Variants in KIDINS220 observed in about 807,000 individuals in gnomAD.
KIDINS220 encodes the protein kinase D-interacting substrate of 220 kDa.
A neutral mutation model predicts 157.6 loss-of-function variants in KIDINS220; 63 were observed. The ratio of observed to expected loss-of-function variants is 0.40; its 90% CI spans 0.33 to 0.49. The LOEUF (loss-of-function observed/expected upper bound fraction) is 0.49, where lower values mean the gene tolerates loss of function less well. KIDINS220 is among the 20% of genes least tolerant of loss of function. The probability of loss-of-function intolerance (pLI) is 0.66; values close to 1 mark genes in which losing one functional copy is unlikely to be tolerated. For synonymous variants in KIDINS220, 732 were observed against 783.6 expected (o/e 0.93, Z 1.10); for missense variants, 1,772 against 2,171.2 (o/e 0.82, Z 3.65).
chr2:8,790,843 C>A (rs1398706370), intron 13 of KIDINS220, among the ~76,000 whole-genome samples: 1 of 152,122 alleles, frequency 6.6e-6, no homozygotes, highest in Admixed American at 6.6e-5. Flanking sequence ...AAAAAACTTG[C>A]CAGCAAGGGT....
In KIDINS220 at chr2:8,779,136, G is replaced by A. The variant is rs1034611870; in HGVS notation, c.2374C>T (p.Arg792Ter). 2 of 1,612,144 alleles carry A rather than the reference G, an allele frequency of 1.2e-6. No individual in the cohort carries two copies. The highest frequency in any genetic ancestry group is 2.2e-5 in the East Asian group (1 of 44,882). Residue 792 changes from arginine to a stop codon, truncating the protein, a stop_gained, in exon 19 of 30, where the codon CGA becomes TGA. Transcript: ENST00000256707. LOFTEE classifies it high-confidence loss of function. ...DKVLQMLDTV[R>*]VLFSKGPFIA... ...AACGGGCCTTTTGAAAACAGAACTCGGACCTGTGGCAGAAGAAATGTACAG... is the reference window on the plus strand; with the variant it reads ...AACGGGCCTTTTGAAAACAGAACTCAGACCTGTGGCAGAAGAAATGTACAG...
At chr2:8,796,060 G>A (rs1047062414) in intron 11 of KIDINS220, among the ~76,000 whole-genome samples, 4 of 152,016 alleles carry the variant, frequency 2.6e-5, no homozygotes, top group Admixed American at 1.3e-4. Flanking sequence ...ACATTGACTC[G>A]TGACTCCCTG....
Position 8,768,822 on chromosome 2 carries a change from TAATC to T in KIDINS220, c.3011+1844_3011+1847del, listed in dbSNP as rs564556901. On this transcript the variant is annotated intron_variant, in intron 22 of 29. Coordinates refer to ENST00000256707, the MANE Select transcript of KIDINS220 (RefSeq NM_020738.4). The stretch of plus-strand genomic sequence containing the variant: ...TTTAATATCTGGCTTTCCAATATGT[TAATC>T]AAAGTGTCTTCCTATAGTTTTTCAT... 6.2e-3 allele frequency among the ~76,000 whole-genome samples: 940 copies of T among 152,284 alleles called. 15 individuals carry two copies. Among genetic ancestry groups the T allele is most frequent in the African/African-American group, 0.021 (889 of 41,574 alleles).
At chr2:8,742,552 G>GT (rs2148002775) in intron 26 of KIDINS220, among the ~76,000 whole-genome samples, 1 of 152,324 alleles carries the variant, frequency 6.6e-6, no homozygotes, top group South Asian at 2.1e-4. Flanking sequence ...TGCCTTTGCA[G>GT]TTCTGAAATT....
intron 13 of KIDINS220, 61 bp downstream of exon 13, chr2:8,790,999 A>G: frequency 6.7e-7 from 1 of 1,496,048 alleles, no homozygotes; most frequent in Admixed American, 2.1e-5. Context: ...TTTATTTCAG[A>G]AAAATCCCCA....
chr2:8,793,064 G>A (rs1673424043), intron 12 of KIDINS220, among the ~76,000 whole-genome samples: 1 of 152,012 alleles, frequency 6.6e-6, no homozygotes, highest in Non-Finnish European at 1.5e-5. Flanking sequence ...AAAGCCTGGA[G>A]GGTCATTTAA....
chr2:8,779,564 C>A, intron 18 of KIDINS220, 110 bp downstream of exon 18: 2 of 1,121,182 alleles, frequency 1.8e-6, no homozygotes, highest in Non-Finnish European at 2.5e-6. Flanking sequence ...AAAATAGGAA[C>A]TACTCAAACA....
chr2:8,812,122 G>A (rs1558472892), intron 6 of KIDINS220, among the ~76,000 whole-genome samples: 1 of 152,142 alleles, frequency 6.6e-6, no homozygotes, highest in Non-Finnish European at 1.5e-5. Context: ...AGTTACAATA[G>A]AAAACTTCAA....
At position 8,731,012 on chromosome 2, in the gene KIDINS220, T is replaced by C. The variant is rs747952297; in HGVS notation, c.5024A>G (p.Asn1675Ser). ...ENWPACQKAY[N>S]LNRTPSTVTL... is the part of the protein sequence containing the mutation. ...CACGGTGCTGGGAGTTCGGTTCAGG[T>C]TGTAGGCTTTCTGGCATGCAGGCCA... Residue 1675 changes from asparagine to serine, a missense_variant, in exon 30 of 30, where the codon AAC (asparagine) becomes AGC (serine). Transcript: ENST00000256707. The surrounding 1 kb of genome is among the most constrained non-coding windows in gnomAD (Gnocchi z 5.2). The C allele has an allele frequency of 1.9e-6, 3 of 1,614,188 alleles. No homozygotes were observed. Among genetic ancestry groups the C allele is most frequent in the Non-Finnish European group, 2.5e-6 (3 of 1,180,040 alleles).
rs541793342 is a variant in KIDINS220, at chr2:8,741,719, T to C, written c.3586-4720A>G. On this transcript the variant is annotated intron_variant, in intron 26 of 29. Coordinates refer to ENST00000256707, the MANE Select transcript of KIDINS220 (RefSeq NM_020738.4). Reference sequence around the variant, plus strand: ...CTGTAATATTATTTCTGTGAAAATATCCCAATCAATTTAGTTGAAAATTGT... The same window carrying C: ...CTGTAATATTATTTCTGTGAAAATACCCCAATCAATTTAGTTGAAAATTGT... Among the ~76,000 whole-genome samples the C allele has an allele frequency of 2.0e-5, 3 of 152,354 alleles. No individual in the cohort carries two copies. In the South Asian group the frequency reaches 6.2e-4, roughly 32 times the overall value.
At chr2:8,747,388 G>T in intron 25 of KIDINS220, 187 bp from the exon 26 acceptor site, 2 of 571,536 alleles carry the variant, frequency 3.5e-6, no homozygotes, top group Non-Finnish European at 6.2e-6. Flanking sequence ...TTTATCATCA[G>T]GAACCTCTAA....
chr2:8,757,201 T>C (rs1478353199), intron 22 of KIDINS220: 15 of 955,482 alleles, frequency 1.6e-5, no homozygotes, highest in Non-Finnish European at 1.9e-5. Context: ...GGGTTTGTTT[T>C]TTCCCAACAA....
chr2:8,779,304 A>G (rs1244420681), intron 18 of KIDINS220, among the ~76,000 whole-genome samples, 165 bp from the exon 19 acceptor site: 7 of 152,222 alleles, frequency 4.6e-5, no homozygotes, highest in Admixed American at 4.6e-4. Flanking sequence ...TGACAGCTCA[A>G]TCTAGGTTTG....
rs1477146681 is a variant in KIDINS220, at chr2:8,731,647, T to C, written c.4389A>G (p.Ser1463=). Residue 1463 remains serine (S), a synonymous_variant, in exon 30 of 30, where the codon TCA becomes TCG. Transcript: ENST00000256707. This position sits in a 1 kb window ranked among gnomAD's most constrained non-coding sequence, Gnocchi z 5.2. ...KRGDVIDYSS[S]GVSTNDASPL... ...GGGAAGCATCGTTGGTGGAAACCCCTGATGATGAATAATCGATAACATCTC... is the reference window on the plus strand; with the variant it reads ...GGGAAGCATCGTTGGTGGAAACCCCCGATGATGAATAATCGATAACATCTC... 1 of 1,614,224 alleles carries C rather than the reference T, an allele frequency of 6.2e-7. No homozygotes were observed.
At chr2:8,732,772 T>C (rs1664312367) in intron 29 of KIDINS220, among the ~76,000 whole-genome samples, 1 of 152,172 alleles carries the variant, frequency 6.6e-6, no homozygotes, top group Non-Finnish European at 1.5e-5. Flanking sequence ...ACCGCTGCCC[T>C]GCCCTGCCCA....
chr2:8,795,178 C>T (rs1198848680), intron 11 of KIDINS220, among the ~76,000 whole-genome samples: 2 of 152,200 alleles, frequency 1.3e-5, no homozygotes, highest in Non-Finnish European at 2.9e-5. Flanking sequence ...GCCAAATTTC[C>T]ATCACCAGCC....
Position 8,796,761 on chromosome 2 carries a change from G to T in KIDINS220, c.1098+10C>A, listed in dbSNP as rs1382846122. On this transcript the variant is annotated intron_variant, in intron 11 of 29. Transcript: ENST00000256707. ...TTCCATACAGTGTTCTCTCCGCACA[G>T]ATGTTTTACCTTATCTACAGCAGAC... 1.2e-6 allele frequency: 2 copies of T among 1,601,500 alleles called. No homozygotes were observed. The highest frequency in any genetic ancestry group is 1.7e-6 in the Non-Finnish European group (2 of 1,168,412).
chr2:8,799,447 C>G (rs1395548544), intron 9 of KIDINS220, among the ~76,000 whole-genome samples: 1 of 151,900 alleles, frequency 6.6e-6, no homozygotes, highest in Non-Finnish European at 1.5e-5. Flanking sequence ...CTTCACCTAC[C>G]TAAATCCAAC....
At chr2:8,742,049 C>T (rs955244048) in intron 26 of KIDINS220, among the ~76,000 whole-genome samples, 1 of 152,092 alleles carries the variant, frequency 6.6e-6, no homozygotes, top group Admixed American at 6.5e-5. Flanking sequence ...TTCTTGTCCA[C>T]GTCTTCTCCT....
Sources: gnomAD v4.1 joint callset for allele counts (sites outside exome capture counted in the v4.1 genomes callset) on GRCh38, gnomAD v4.1.1 for gene constraint, Gnocchi (gnomAD v3.1) non-coding constraint, MANE v1.5 for transcripts, NCBI Gene and HGNC (gene_info 2026-07-23, HGNC 2026-07-21) for gene names.